USH2A: variants seen among roughly 807,000 people sequenced by gnomAD.
USH2A encodes Usher syndrome 2A (autosomal recessive, mild).
A neutral mutation model predicts 538.9 loss-of-function variants in USH2A; 443 were observed. The ratio of observed to expected loss-of-function variants is 0.82; its 90% CI spans 0.76 to 0.89. The LOEUF (loss-of-function observed/expected upper bound fraction) is 0.89, where lower values mean the gene tolerates loss of function less well. USH2A is among the 40% of genes least tolerant of loss of function. The pLI is 0.00. For synonymous variants in USH2A, 2,413 were observed against 2,273.5 expected, an observed-to-expected ratio of 1.06 and a Z score of -1.75; for missense variants, 6,633 against 6,324.8, an observed-to-expected ratio of 1.05 and a Z score of -1.65.
At chr1:215,971,008 T>G (rs916824687) in intron 35 of USH2A, among the ~76,000 whole-genome samples, 1 of 152,152 alleles carries the variant, frequency 6.6e-6, no homozygotes, top group African/African-American at 2.4e-5. Flanking sequence ...AACCCAACAG[T>G]TCCAGCATGA....
intron 32 of USH2A, among the ~76,000 whole-genome samples, chr1:216,036,415 G>A (rs2029971414): frequency 6.6e-6 from 1 of 151,796 alleles, no homozygotes; most frequent in Non-Finnish European, 1.5e-5. Flanking sequence ...GTCCATATGG[G>A]GACATACCTA....
intron 63 of USH2A, 133 bp from the exon 64 acceptor site, chr1:215,671,426 T>C (rs944883037): frequency 2.0e-6 from 2 of 1,009,296 alleles, no homozygotes; most frequent in African/African-American, 3.2e-5. Flanking sequence ...TTCTTAAGAA[T>C]AACAAAGTTG....
At chr1:215,636,926 C>T (rs902491566) in intron 69 of USH2A, among the ~76,000 whole-genome samples, 2 of 152,068 alleles carry the variant, frequency 1.3e-5, no homozygotes, top group Non-Finnish European at 2.9e-5. Flanking sequence ...AACCTCAATT[C>T]GTATTCATGA....
At chr1:215,968,774 T>C (rs1049164501) in intron 36 of USH2A, among the ~76,000 whole-genome samples, 2 of 152,186 alleles carry the variant, frequency 1.3e-5, no homozygotes, top group Admixed American at 6.5e-5. Flanking sequence ...AATTTTCTGT[T>C]TCAATGAAAT....
intron 27 of USH2A, among the ~76,000 whole-genome samples, chr1:216,073,631 A>G (rs1266285830): frequency 6.6e-6 from 1 of 152,234 alleles, no homozygotes. Flanking sequence ...GCAACTTCAT[A>G]TTATGGTAGG....
At chr1:215,809,874 A>G (rs1304863370) in intron 49 of USH2A, among the ~76,000 whole-genome samples, 1 of 152,170 alleles carries the variant, frequency 6.6e-6, no homozygotes, top group Non-Finnish European at 1.5e-5. Context: ...CAGACTAGTG[A>G]CCAGATTTAA....
Position 215,624,113 on chromosome 1 carries a change from T to C in USH2A, c.*1668A>G, listed in dbSNP as rs1012638250. On this transcript the variant is annotated 3_prime_UTR_variant, in exon 72 of 72. Coordinates refer to ENST00000307340, the MANE Select transcript of USH2A (RefSeq NM_206933.4). The stretch of plus-strand genomic sequence containing the variant: ...TTTCATTTCAGAAAGTATAAAAACT[T>C]GGCGAGAAATATATATTTCGTATTT... 6.6e-6 allele frequency: 1 copy of C among 152,182 alleles called. No individual in the cohort carries two copies. Among genetic ancestry groups the C allele is most frequent in the Non-Finnish European group, 1.5e-5 (1 of 68,018 alleles). 9.4% of individuals were successfully genotyped at this position (152,182 alleles called of 1,614,324 possible).
At chr1:215,776,589 T>C (rs991726344) in intron 55 of USH2A, among the ~76,000 whole-genome samples, 1 of 152,168 alleles carries the variant, frequency 6.6e-6, no homozygotes, top group Non-Finnish European at 1.5e-5. Context: ...CCAGGACGAC[T>C]AGTGCTACAG....
chr1:216,170,407 C>G (rs961620913), intron 21 of USH2A, among the ~76,000 whole-genome samples: 1 of 152,014 alleles, frequency 6.6e-6, no homozygotes, highest in African/African-American at 2.4e-5. Flanking sequence ...GTATAGAGTT[C>G]TCATCTGCAA....
intron 37 of USH2A, among the ~76,000 whole-genome samples, chr1:215,954,795 TA>T (rs1207200019): frequency 6.6e-6 from 1 of 152,118 alleles, no homozygotes; most frequent in Non-Finnish European, 1.5e-5. Flanking sequence ...CCAAAGTCCT[TA>T]AAACAGTCTG....
intron 58 of USH2A, among the ~76,000 whole-genome samples, chr1:215,756,915 A>AAAAC (rs1409627293): frequency 6.0e-5 from 8 of 132,600 alleles, no homozygotes; most frequent in African/African-American, 2.3e-4. Context: ...ACCCGGTCTC[A>AAAAC]AAATAAACAA....
intron 43 of USH2A, among the ~76,000 whole-genome samples, chr1:215,868,186 C>G (rs888488480): frequency 8.5e-5 from 13 of 152,286 alleles, no homozygotes; most frequent in Admixed American, 4.6e-4. Context: ...GTCACAATCT[C>G]TGATTTGACG....
intron 21 of USH2A, among the ~76,000 whole-genome samples, chr1:216,133,821 TCTGA>T (rs1571987730): frequency 1.3e-5 from 2 of 152,146 alleles, no homozygotes; most frequent in Admixed American, 6.6e-5. Flanking sequence ...CATGTATATG[TCTGA>T]CTAATTCTGA....
chr1:215,779,171 G>A (rs1366378484), intron 55 of USH2A, among the ~76,000 whole-genome samples: 1 of 152,192 alleles, frequency 6.6e-6, no homozygotes, highest in Non-Finnish European at 1.5e-5. Flanking sequence ...ATGTGGTGGT[G>A]TGTTAGAGAA....
At chr1:215,887,070 G>C (rs1665076312) in intron 41 of USH2A, among the ~76,000 whole-genome samples, 1 of 152,114 alleles carries the variant, frequency 6.6e-6, no homozygotes, top group Non-Finnish European at 1.5e-5. Context: ...TGTTGGCCAG[G>C]ATGGTCTCGA....
At chr1:216,333,019 A>G (rs1430427686) in intron 4 of USH2A, among the ~76,000 whole-genome samples, 1 of 152,150 alleles carries the variant, frequency 6.6e-6, no homozygotes, top group Non-Finnish European at 1.5e-5. Flanking sequence ...TAAACTTACC[A>G]GACAAAGACT....
At chr1:216,215,058 A>T in intron 15 of USH2A, among the ~76,000 whole-genome samples, 1 of 152,108 alleles carries the variant, frequency 6.6e-6, no homozygotes, top group South Asian at 2.1e-4. Flanking sequence ...CCCAAAAGGG[A>T]AATTTACTAT....
At chr1:215,740,235 T>C (rs1444601926) in intron 60 of USH2A, among the ~76,000 whole-genome samples, 2 of 152,110 alleles carry the variant, frequency 1.3e-5, no homozygotes, top group Non-Finnish European at 2.9e-5. Context: ...TCCTCCTCAT[T>C]CATTATTTAT....
rs760858603 is a variant in USH2A at position 216,246,635 on chromosome 1, C to T, written c.2759G>A (p.Cys920Tyr). Reference protein sequence around the residue: ...GTICDPISGQCLCVPNRQGRR... With the variant: ...GTICDPISGQYLCVPNRQGRR... ...TCCTTGACGATTAGGCACACACAGGCACTGGCCACTGATTGGGTCACAAAT... is the reference window on the plus strand; with the variant it reads ...TCCTTGACGATTAGGCACACACAGGTACTGGCCACTGATTGGGTCACAAAT... Residue 920 changes from cysteine (C) to tyrosine (Y), a missense_variant, in exon 13 of 72, where the codon TGC becomes TAC. By Grantham distance (194) the Cys-to-Tyr change is radical. Coordinates refer to ENST00000307340, the MANE Select transcript of USH2A (RefSeq NM_206933.4). 6.2e-7 allele frequency: 1 copy of T among 1,614,096 alleles called. No individual in the cohort carries two copies. Among genetic ancestry groups the T allele is most frequent in the East Asian group, 2.2e-5 (1 of 44,876 alleles).
Sources: allele counts gnomAD v4.1 joint callset (sites outside exome capture counted in the v4.1 genomes callset), GRCh38; gene constraint gnomAD v4.1.1; transcripts MANE v1.5; gene names NCBI Gene and HGNC (gene_info 2026-07-23, HGNC 2026-07-21).